Variants in KIF24 observed in about 807,000 individuals in gnomAD.
KIF24 encodes the protein kinesin family member 24, also known as kinesin-like protein KIF24.
In KIF24, 81 loss-of-function variants were observed where a neutral mutation model predicts 118.9. That is an observed-to-expected ratio of 0.68 (90% CI 0.57 to 0.82). The LOEUF (loss-of-function observed/expected upper bound fraction) is 0.82, where lower values mean the gene tolerates loss of function less well. Ranked by LOEUF, KIF24 falls within the 40% of genes least tolerant of loss-of-function variation. KIF24 has a pLI of 0.00. For synonymous variants in KIF24, 599 were observed against 610.0 expected, an observed-to-expected ratio of 0.98 and a Z score of 0.27; for missense variants, 1,560 against 1,661.6, an observed-to-expected ratio of 0.94 and a Z score of 1.06.
intron 4 of KIF24, among the ~76,000 whole-genome samples, chr9:34,296,634 A>G (rs547672376): frequency 2.0e-5 from 3 of 152,294 alleles, no homozygotes; most frequent in Non-Finnish European, 2.9e-5. Context: ...GCCAGAATAC[A>G]TAATTCCTAT....
intron 6 of KIF24, among the ~76,000 whole-genome samples, chr9:34,284,947 G>C (rs1348205150): frequency 6.6e-6 from 1 of 152,074 alleles, no homozygotes; most frequent in African/African-American, 2.4e-5. Flanking sequence ...GTAAAGCCAG[G>C]GTTGAGGAAC....
chr9:34,262,702 ATATATATATATG>A (rs1157702722), intron 9 of KIF24, among the ~76,000 whole-genome samples: 2,967 of 79,984 alleles, frequency 0.037, 206 homozygotes, highest in South Asian at 0.086. Context: ...ATATATATAT[ATATATATATATG>A]GCCAGGCATG....
chr9:34,264,806 T>A (rs182440290), intron 8 of KIF24, among the ~76,000 whole-genome samples: 1 of 152,060 alleles, frequency 6.6e-6, no homozygotes, highest in Non-Finnish European at 1.5e-5. Flanking sequence ...TTACCCCTCA[T>A]GAAGTCTGGA....
intron 1 of KIF24, among the ~76,000 whole-genome samples, chr9:34,326,397 T>C (rs561828686): frequency 3.2e-4 from 48 of 152,258 alleles, no homozygotes; most frequent in African/African-American, 1.1e-3. Context: ...GTCCCTGCCC[T>C]CATGACACTA....
chr9:34,283,699 G>A (rs1835937756), intron 6 of KIF24, among the ~76,000 whole-genome samples: 1 of 151,934 alleles, frequency 6.6e-6, no homozygotes, highest in African/African-American at 2.4e-5. Flanking sequence ...AATCGACAAG[G>A]AAAAGACAGA....
At chr9:34,302,814 C>T (rs1392647150) in intron 3 of KIF24, among the ~76,000 whole-genome samples, 6 of 145,496 alleles carry the variant, frequency 4.1e-5, no homozygotes, top group Non-Finnish European at 7.5e-5. Context: ...CTCCCTCTCT[C>T]TCCCAGTCTG....
At chr9:34,312,085 AAAGG>A (rs1288329830) in intron 1 of KIF24, among the ~76,000 whole-genome samples, 7 of 152,352 alleles carry the variant, frequency 4.6e-5, no homozygotes, top group African/African-American at 1.7e-4. Flanking sequence ...AATGTAACTC[AAAGG>A]AAGATAGCAT....
intron 1 of KIF24, among the ~76,000 whole-genome samples, chr9:34,314,804 G>A (rs181551033): frequency 2.3e-4 from 35 of 152,280 alleles, no homozygotes; most frequent in Admixed American, 1.1e-3. Context: ...AATTATGATA[G>A]TCCATTTAAT....
chr9:34,268,798 G>A (rs185592606), intron 8 of KIF24, among the ~76,000 whole-genome samples: 1 of 152,164 alleles, frequency 6.6e-6, no homozygotes, highest in Non-Finnish European at 1.5e-5. Flanking sequence ...GTGAGCCACC[G>A]CTCCCAGCTG....
At chr9:34,321,053 G>A (rs189224959) in intron 1 of KIF24, among the ~76,000 whole-genome samples, 98 of 152,190 alleles carry the variant, frequency 6.4e-4, no homozygotes, top group African/African-American at 2.3e-3. Flanking sequence ...AGATTCAGAA[G>A]GTAACTAACA....
At chr9:34,326,938 C>G (rs2039343) in intron 1 of KIF24, among the ~76,000 whole-genome samples, 1 of 151,802 alleles carries the variant, frequency 6.6e-6, no homozygotes, top group Non-Finnish European at 1.5e-5. Context: ...AGCTACTGCA[C>G]TGAACTGACA....
chr9:34,296,302 G>A (rs561084802), intron 4 of KIF24, among the ~76,000 whole-genome samples: 13 of 149,000 alleles, frequency 8.7e-5, no homozygotes, highest in East Asian at 6.0e-4. Flanking sequence ...CGAGGCGGGC[G>A]GATCACGAGG....
chr9:34,259,640 G>A lies in KIF24; in HGVS notation c.1581C>T (p.His527=), dbSNP rs1197331985. Residue 527 remains histidine, a synonymous_variant, in exon 10 of 13, where the codon CAC becomes CAT. Coordinates refer to ENST00000402558, the MANE Select transcript of KIF24 (RefSeq NM_194313.4). ...TCMIANISPS[H]VATEHTLNTL... ...TGTTGAGAGTGTGTTCAGTGGCCAC[G>A]TGGCTTGGTGAGATGTTGGCGATCA... 7 of 1,613,968 alleles carry A rather than the reference G, an allele frequency of 4.3e-6. No individual in the cohort carries two copies. Among genetic ancestry groups the A allele is most frequent in the South Asian group, 1.1e-5 (1 of 91,086 alleles).
chr9:34,302,753 C>T (rs184919818), intron 3 of KIF24, among the ~76,000 whole-genome samples: 5 of 151,538 alleles, frequency 3.3e-5, no homozygotes, highest in Non-Finnish European at 7.4e-5. Context: ...AGGTGTAAGC[C>T]GCTGTGCCTC....
In KIF24 at chr9:34,290,334, T is replaced by A; in HGVS notation, c.967A>T (p.Met323Leu). ...CCTGGGTTCTCATGAGTTCCTATCATGGTGTAGGTCTTTCCAGCACCTGTC... is the reference window on the plus strand; with the variant it reads ...CCTGGGTTCTCATGAGTTCCTATCAAGGTGTAGGTCTTTCCAGCACCTGTC... ...GQTGAGKTYT[M>L]IGTHENPGLY... The change falls in exon 5 of 13, where the codon ATG becomes TTG. Residue 323 changes from methionine to leucine, a missense_variant. Met to Leu is a conservative substitution (Grantham distance 15). Around this residue, in one of 3 missense-constraint regions of KIF24, gnomAD observed 964 missense variants for 988.0 expected, o/e 0.98. Transcript: ENST00000402558. 1 of 1,613,960 alleles carries A rather than the reference T, an allele frequency of 6.2e-7. No homozygotes were observed. Among genetic ancestry groups the A allele is most frequent in the African/African-American group, 1.3e-5 (1 of 75,070 alleles).
At chr9:34,273,185 C>CTT (rs200436048) in intron 6 of KIF24, among the ~76,000 whole-genome samples, 133 of 148,922 alleles carry the variant, frequency 8.9e-4, no homozygotes, top group African/African-American at 3.0e-3. Flanking sequence ...TGTATTTTTT[C>CTT]TTTTTTTTTT....
chr9:34,270,882 A>AAT (rs1835478565), intron 7 of KIF24, among the ~76,000 whole-genome samples: 2 of 149,022 alleles, frequency 1.3e-5, no homozygotes, highest in South Asian at 2.2e-4. Context: ...CCTGGAGATC[A>AAT]ATGGGGTGAC....
intron 3 of KIF24, among the ~76,000 whole-genome samples, chr9:34,298,665 G>T (rs1459842263): frequency 6.6e-6 from 1 of 152,106 alleles, no homozygotes; most frequent in Non-Finnish European, 1.5e-5. Flanking sequence ...AAATAGTGGG[G>T]AAACAATGAA....
At chr9:34,261,727 G>C (rs886936473) in intron 9 of KIF24, among the ~76,000 whole-genome samples, 1 of 152,042 alleles carries the variant, frequency 6.6e-6, no homozygotes, top group East Asian at 1.9e-4. Context: ...TTATTACCTT[G>C]TTCTACAGCT....
Sources: gnomAD v4.1 joint callset for allele counts (sites outside exome capture counted in the v4.1 genomes callset) on GRCh38, gnomAD v4.1.1 for gene constraint, gnomAD v4.1.1 regional missense constraint, MANE v1.5 for transcripts, NCBI Gene and HGNC (gene_info 2026-07-23, HGNC 2026-07-21) for gene names.